Variants in KCNQ5 observed in about 807,000 individuals in gnomAD.
KCNQ5 encodes potassium voltage-gated channel subfamily KQT member 5.
In KCNQ5, 30 loss-of-function variants were observed where a neutral mutation model predicts 98.2. The ratio of observed to expected loss-of-function variants is 0.31; its 90% CI spans 0.23 to 0.41. The LOEUF (loss-of-function observed/expected upper bound fraction) is 0.41, where lower values mean the gene tolerates loss of function less well. KCNQ5 is among the 10% of genes least tolerant of loss of function. The pLI, the probability that KCNQ5 is intolerant of heterozygous loss-of-function variation, is 1.00. For synonymous variants in KCNQ5, 458 were observed against 449.4 expected, an observed-to-expected ratio of 1.02 and a Z score of -0.24; for missense variants, 835 against 1,182.5, an observed-to-expected ratio of 0.71 and a Z score of 4.31.
At chr6:72,900,581 T>C (rs890662358) in intron 1 of KCNQ5, among the ~76,000 whole-genome samples, 1 of 150,676 alleles carries the variant, frequency 6.6e-6, no homozygotes, top group Non-Finnish European at 1.5e-5. Context: ...GGTTCCACAA[T>C]TTTGCAGTTG....
intron 1 of KCNQ5, among the ~76,000 whole-genome samples, chr6:72,896,732 A>C (rs1779266069): frequency 6.6e-6 from 1 of 152,186 alleles, no homozygotes; most frequent in East Asian, 1.9e-4. Context: ...AATTCTCTGA[A>C]GTCTTCCAAG....
chr6:73,190,131 T>C (rs1171747767), intron 11 of KCNQ5, among the ~76,000 whole-genome samples: 1 of 152,028 alleles, frequency 6.6e-6, no homozygotes, highest in Non-Finnish European at 1.5e-5. Context: ...CTAGAGAGAA[T>C]AGAGTGTTTT....
chr6:73,111,783 C>A (rs962819289), intron 7 of KCNQ5, among the ~76,000 whole-genome samples: 8 of 152,176 alleles, frequency 5.3e-5, no homozygotes, highest in African/African-American at 1.4e-4. Context: ...ATTCCAATTA[C>A]TTTCTCCAGC....
Position 73,129,687 on chromosome 6 carries a change from TA to T in KCNQ5, c.1248-3729del, listed in dbSNP as rs1776141284. 2.8e-5 allele frequency: 25 copies of T among 895,280 alleles called. No homozygotes were observed. In the East Asian group the frequency reaches 6.7e-4, roughly 24 times the overall value. The allele number at this position is 895,280 out of a possible 1,614,324, so 55.5% of individuals were successfully genotyped here. ...TTAAATAGTCTGTGTACTTCTATAT[TA>T]AAAACAATAAAGCCAAATGGCTTTG... On this transcript the variant is annotated intron_variant, in intron 9 of 13. Transcript: ENST00000370398.
At chr6:73,099,127 C>T (rs1774651294) in intron 5 of KCNQ5, among the ~76,000 whole-genome samples, 1 of 59,214 alleles carries the variant, frequency 1.7e-5, no homozygotes, top group South Asian at 1.8e-3. Flanking sequence ...CTCATAGTAA[C>T]CTAAAATCAA....
At chr6:73,038,011 G>A (rs1046504071) in intron 2 of KCNQ5, among the ~76,000 whole-genome samples, 6 of 151,944 alleles carry the variant, frequency 3.9e-5, no homozygotes, top group East Asian at 1.9e-4. Context: ...TCATAAACAC[G>A]GTATTTCTCC....
intron 1 of KCNQ5, among the ~76,000 whole-genome samples, chr6:72,840,501 C>A (rs1162074484): frequency 2.6e-5 from 4 of 152,242 alleles, no homozygotes; most frequent in Non-Finnish European, 5.9e-5. Flanking sequence ...TCATGTTGCT[C>A]CAGCTACCCT....
At chr6:73,012,265 C>T (rs932456418) in intron 2 of KCNQ5, among the ~76,000 whole-genome samples, 3 of 151,628 alleles carry the variant, frequency 2.0e-5, no homozygotes, top group African/African-American at 4.8e-5. Context: ...CATATACATA[C>T]AAAAAAAGTA....
intron 1 of KCNQ5, among the ~76,000 whole-genome samples, chr6:72,686,062 T>A (rs1767937654): frequency 6.6e-6 from 1 of 152,174 alleles, no homozygotes; most frequent in Admixed American, 6.5e-5. Context: ...TTGACCCCCT[T>A]ATGGGGCTTC....
chr6:73,095,757 G>A (rs142858266), intron 5 of KCNQ5, among the ~76,000 whole-genome samples: 56 of 152,290 alleles, frequency 3.7e-4, no homozygotes, highest in Middle Eastern at 3.4e-3. Context: ...TGTCTACAGA[G>A]TCCTGTGATG....
At chr6:72,639,761 A>G (rs770355462) in intron 1 of KCNQ5, among the ~76,000 whole-genome samples, 78 of 152,262 alleles carry the variant, frequency 5.1e-4, no homozygotes, top group African/African-American at 1.6e-3. Flanking sequence ...TGATAAATAA[A>G]TGGGTAAAGA....
At chr6:72,797,576 A>G (rs1250926678) in intron 1 of KCNQ5, among the ~76,000 whole-genome samples, 2 of 152,080 alleles carry the variant, frequency 1.3e-5, no homozygotes, top group Middle Eastern at 3.2e-3. Context: ...CTAACATGCT[A>G]TCAGAGCTCA....
chr6:72,745,340 T>C (rs1267449315), intron 1 of KCNQ5, among the ~76,000 whole-genome samples: 1 of 152,232 alleles, frequency 6.6e-6, no homozygotes, highest in Non-Finnish European at 1.5e-5. Context: ...AGCTCTTTAA[T>C]ATCAGATCAA....
intron 10 of KCNQ5, among the ~76,000 whole-genome samples, chr6:73,160,968 T>C (rs970857693): frequency 1.3e-5 from 2 of 152,096 alleles, no homozygotes; most frequent in Non-Finnish European, 2.9e-5. Context: ...AAAGAAGATA[T>C]CCAAAAGAAA....
chr6:72,961,522 T>C (rs1318102599), intron 1 of KCNQ5, among the ~76,000 whole-genome samples: 1 of 149,582 alleles, frequency 6.7e-6, no homozygotes, highest in Non-Finnish European at 1.5e-5. Context: ...CTCTGGAGGC[T>C]GAGGCAGGAG....
chr6:72,854,423 C>A (rs1169322869), intron 1 of KCNQ5, among the ~76,000 whole-genome samples: 3 of 125,618 alleles, frequency 2.4e-5, no homozygotes, highest in Admixed American at 1.5e-4. Flanking sequence ...GATTATGTAG[C>A]TTTATTAGAA....
At chr6:72,863,620 T>TG (rs1777857706) in intron 1 of KCNQ5, among the ~76,000 whole-genome samples, 1 of 152,138 alleles carries the variant, frequency 6.6e-6, no homozygotes, top group African/African-American at 2.4e-5. Flanking sequence ...AAATAGCTCA[T>TG]GATAGGTAAT....
At chr6:72,781,876 G>GT (rs1169670960) in intron 1 of KCNQ5, among the ~76,000 whole-genome samples, 1 of 152,192 alleles carries the variant, frequency 6.6e-6, no homozygotes, top group Non-Finnish European at 1.5e-5. Context: ...TGATAAGCCA[G>GT]TTAAGCAGTT....
At chr6:72,820,624 G>T (rs1775708972) in intron 1 of KCNQ5, among the ~76,000 whole-genome samples, 1 of 152,104 alleles carries the variant, frequency 6.6e-6, no homozygotes, top group African/African-American at 2.4e-5. Flanking sequence ...AAAGCAGGAA[G>T]ACAGAGGAAG....
Sources: gnomAD v4.1 joint callset for allele counts (sites outside exome capture counted in the v4.1 genomes callset) on GRCh38, gnomAD v4.1.1 for gene constraint, MANE v1.5 for transcripts, NCBI Gene and HGNC (gene_info 2026-07-23, HGNC 2026-07-21) for gene names.